Variants in CEMIP2 observed in about 807,000 individuals in gnomAD.
CEMIP2 encodes the protein cell migration inducing hyaluronidase 2.
In CEMIP2, 79 loss-of-function variants were observed where a neutral mutation model predicts 146.9. That is an observed-to-expected ratio of 0.54 (90% CI 0.45 to 0.65). The LOEUF is 0.65. Ranked by LOEUF, CEMIP2 falls within the 30% of genes least tolerant of loss-of-function variation. CEMIP2 has a pLI of 0.00. For missense variants in CEMIP2, 1,596 were observed against 1,696.2 expected, an observed-to-expected ratio of 0.94 and a Z score of 1.04; for synonymous variants, 601 against 606.3, an observed-to-expected ratio of 0.99 and a Z score of 0.13.
chr9:71,717,543 T>C (rs1359077039), intron 13 of CEMIP2, among the ~76,000 whole-genome samples: 1 of 152,228 alleles, frequency 6.6e-6, no homozygotes, highest in Non-Finnish European at 1.5e-5. Context: ...TCAACAGATT[T>C]ACTGAGTTGG....
At chr9:71,717,177 A>C (rs1823081538) in intron 13 of CEMIP2, among the ~76,000 whole-genome samples, 2 of 152,208 alleles carry the variant, frequency 1.3e-5, no homozygotes, top group African/African-American at 4.8e-5. Context: ...GTCTCAAAAA[A>C]TAATAATTTC....
chr9:71,695,738 T>C (rs1030909899), intron 20 of CEMIP2, among the ~76,000 whole-genome samples: 1 of 152,136 alleles, frequency 6.6e-6, no homozygotes, highest in Non-Finnish European at 1.5e-5. Flanking sequence ...GGGTAGTTCT[T>C]TGAAGTCTCC....
chr9:71,756,846 A>G (rs1210980408), intron 1 of CEMIP2, among the ~76,000 whole-genome samples: 2 of 152,240 alleles, frequency 1.3e-5, no homozygotes, highest in Non-Finnish European at 2.9e-5. Flanking sequence ...AATAGTTTTA[A>G]CTACACATTA....
intron 6 of CEMIP2, among the ~76,000 whole-genome samples, chr9:71,734,208 G>GGTTT (rs374206725): frequency 6.9e-5 from 10 of 144,128 alleles, no homozygotes; most frequent in Non-Finnish European, 1.1e-4. Flanking sequence ...ATGAGTTTTT[G>GGTTT]TTTTTGTTTT....
At chr9:71,769,231 G>A (rs1457445023), upstream of CEMIP2, among the ~76,000 whole-genome samples, 1 of 152,198 alleles carries the variant, frequency 6.6e-6, no homozygotes, top group Admixed American at 6.5e-5. Context: ...GGCTGAGCCT[G>A]ACACTGCGCC....
At chr9:71,756,401 T>C (rs1824453242) in intron 1 of CEMIP2, among the ~76,000 whole-genome samples, 1 of 150,950 alleles carries the variant, frequency 6.6e-6, no homozygotes, top group South Asian at 2.1e-4. Context: ...AAAAATTAAG[T>C]CCACTTTCAT....
At chr9:71,762,549 G>A (rs1824669060) in intron 1 of CEMIP2, among the ~76,000 whole-genome samples, 1 of 141,346 alleles carries the variant, frequency 7.1e-6, no homozygotes, top group South Asian at 2.3e-4. Context: ...AGCATAACAG[G>A]CAAACAGGGG....
chr9:71,753,371 C>G (rs1288056905), intron 1 of CEMIP2, among the ~76,000 whole-genome samples: 1 of 152,120 alleles, frequency 6.6e-6, no homozygotes, highest in Non-Finnish European at 1.5e-5. Flanking sequence ...CACCAGCCTA[C>G]TGGGAATAAT....
chr9:71,685,893 A>ATGAGTATCTTTCTAC (rs762673871), intron 22 of CEMIP2, 47 bp from the exon 23 acceptor site: 1 of 1,340,778 alleles, frequency 7.5e-7, no homozygotes, highest in Non-Finnish European at 1.1e-6. Flanking sequence ...ATCCTTCAGC[A>ATGAGTATCTTTCTAC]TGAGTATCTT....
chr9:71,760,253 T>C (rs1824590631), intron 1 of CEMIP2, among the ~76,000 whole-genome samples: 1 of 152,228 alleles, frequency 6.6e-6, no homozygotes, highest in Non-Finnish European at 1.5e-5. Context: ...GGTCTGTATT[T>C]AAGGAATTCA....
At chr9:71,685,701 G>T in intron 23 of CEMIP2, 42 bp downstream of exon 23, 3 of 1,511,976 alleles carry the variant, frequency 2.0e-6, no homozygotes, top group Non-Finnish European at 1.8e-6. Context: ...TACCTATGTT[G>T]CTGGCCCTGT....
chr9:71,738,888 A>T (rs1345977388), intron 5 of CEMIP2, among the ~76,000 whole-genome samples: 1 of 152,180 alleles, frequency 6.6e-6, no homozygotes, highest in Non-Finnish European at 1.5e-5. Flanking sequence ...AAAGATCACT[A>T]GAATTTGTTT....
chr9:71,698,180 G>A lies in CEMIP2; in HGVS notation c.3402C>T (p.Ala1134=), dbSNP rs1314045725. 3.7e-6 allele frequency: 6 copies of A among 1,613,944 alleles called. No individual in the cohort carries two copies. Among genetic ancestry groups the A allele is most frequent in the Non-Finnish European group, 5.1e-6 (6 of 1,180,010 alleles). Residue 1134 remains alanine, a synonymous_variant, in exon 20 of 24, where the codon GCC becomes GCT. Coordinates refer to ENST00000377044, the MANE Select transcript of CEMIP2 (RefSeq NM_013390.3). ...STGLLFLYLK[A]KSHRHGHSYC... ...AACTGTGGCCATGCCTGTGGCTTTT[G>A]GCTTTGAGATACAAAAACAGTAACC...
In CEMIP2 at chr9:71,685,816, T is replaced by A. The variant is rs141630171; in HGVS notation, c.3882A>T (p.Glu1294Asp). The A allele has an allele frequency of 2.5e-6, 4 of 1,613,978 alleles. No individual in the cohort carries two copies. The highest frequency in any genetic ancestry group is 3.4e-6 in the Non-Finnish European group (4 of 1,179,986). The change falls in exon 23 of 24, where the codon GAA becomes GAT. Residue 1294 changes from glutamate to aspartate, a missense_variant. Physicochemically the swap from Glu to Asp is conservative, Grantham distance 45. Transcript: ENST00000377044. The stretch of plus-strand genomic sequence containing the variant: ...AGTGTGAAATGTTTAACTGCTTTAT[T>A]TCTCCTCTTGTGCTCAACAGAACAA... ...RSIVLLSTRG[E>D]IKQLNISHLL...
intron 16 of CEMIP2, among the ~76,000 whole-genome samples, chr9:71,711,585 T>C (rs914385163): frequency 2.0e-5 from 3 of 149,046 alleles, no homozygotes; most frequent in Non-Finnish European, 4.4e-5. Flanking sequence ...GCTGAGACCC[T>C]GCCTCAAAGA....
intron 1 of CEMIP2, among the ~76,000 whole-genome samples, chr9:71,752,940 A>C (rs1217669435): frequency 1.3e-5 from 2 of 152,314 alleles, no homozygotes; most frequent in East Asian, 3.9e-4. Context: ...ATTTCTGAAC[A>C]AAAGTAATTA....
intron 12 of CEMIP2, among the ~76,000 whole-genome samples, chr9:71,720,250 C>CTTGT (rs1823195490): frequency 6.6e-6 from 1 of 151,294 alleles, no homozygotes; most frequent in South Asian, 2.1e-4. Flanking sequence ...TATATTTTCA[C>CTTGT]GTCTTGAAGA....
At chr9:71,746,696 A>C (rs1824101502) in intron 2 of CEMIP2, among the ~76,000 whole-genome samples, 1 of 152,056 alleles carries the variant, frequency 6.6e-6, no homozygotes, top group African/African-American at 2.4e-5. Flanking sequence ...GATTCACACT[A>C]GAAAGCTGTT....
chr9:71,717,036 G>A (rs1185341012), intron 13 of CEMIP2, among the ~76,000 whole-genome samples: 1 of 152,158 alleles, frequency 6.6e-6, no homozygotes, highest in Non-Finnish European at 1.5e-5. Flanking sequence ...GCAGGGCGTT[G>A]TGGCACATGC....
Sources: allele counts gnomAD v4.1 joint callset (sites outside exome capture counted in the v4.1 genomes callset), GRCh38; gene constraint gnomAD v4.1.1; transcripts MANE v1.5; gene names NCBI Gene and HGNC (gene_info 2026-07-23, HGNC 2026-07-21).